JAK1: variants seen among roughly 807,000 people sequenced by gnomAD.
JAK1 encodes the protein Janus kinase 1, also known as tyrosine-protein kinase JAK1.
In JAK1, 16 loss-of-function variants were observed where a neutral mutation model predicts 136.6. That is an observed-to-expected ratio of 0.12 (90% CI 0.08 to 0.18). The LOEUF (loss-of-function observed/expected upper bound fraction) is 0.18. Among genes scored for constraint, JAK1 ranks in the 10% least tolerant of loss-of-function variants. The pLI is 1.00. For synonymous variants in JAK1, 492 were observed against 519.5 expected (o/e 0.95, Z 0.72); for missense variants, 859 against 1,450.1 (o/e 0.59, Z 6.62).
intron 2 of JAK1, among the ~76,000 whole-genome samples, chr1:65,008,533 A>G (rs1441124138): frequency 6.6e-6 from 1 of 152,000 alleles, no homozygotes; most frequent in Non-Finnish European, 1.5e-5. Context: ...TGGCCTCCCA[A>G]AGTTTGAAAT....
intron 23 of JAK1, 82 bp from the exon 24 acceptor site, chr1:64,835,588 CA>C: frequency 2.4e-6 from 2 of 829,094 alleles, no homozygotes; most frequent in East Asian, 2.5e-5. Context: ...GAAATTTCTA[CA>C]ATCAACTGGA....
chr1:64,860,032 T>G (rs1656187122), intron 9 of JAK1, 73 bp downstream of exon 9: 2 of 1,288,598 alleles, frequency 1.6e-6, no homozygotes, highest in East Asian at 5.2e-5. Flanking sequence ...ACCTAAACAA[T>G]GATGACATGC....
At chr1:64,995,887 C>T (rs796625140) in intron 2 of JAK1, among the ~76,000 whole-genome samples, 15 of 152,122 alleles carry the variant, frequency 9.9e-5, no homozygotes, top group African/African-American at 3.4e-4. Context: ...TACAGCTGTG[C>T]GCCACCCCAC....
chr1:64,943,803 A>G (rs1645931688), intron 1 of JAK1, among the ~76,000 whole-genome samples: 1 of 150,264 alleles, frequency 6.7e-6, no homozygotes, highest in Admixed American at 6.7e-5. Flanking sequence ...GTGACAGAAA[A>G]CTAATATCCT....
chr1:64,985,439 CTCT>C (rs1646589474), intron 2 of JAK1: 1 of 1,607,552 alleles, frequency 6.2e-7, no homozygotes, highest in African/African-American at 1.3e-5. Flanking sequence ...TAGCATTCTC[CTCT>C]TCTTTTCTGT....
chr1:65,045,516 A>T (rs1288595707), intron 1 of JAK1, among the ~76,000 whole-genome samples: 1 of 143,312 alleles, frequency 7.0e-6, no homozygotes, highest in Non-Finnish European at 1.5e-5. Context: ...GGGAAGCATG[A>T]AATCATGGTG....
intron 6 of JAK1, 142 bp from the exon 7 acceptor site, chr1:64,867,350 G>T: frequency 1.6e-6 from 1 of 609,764 alleles, no homozygotes. Flanking sequence ...GATGGAGTTA[G>T]CACTGAAGAT....
rs1647952813 is a variant in JAK1 at position 65,064,407 on chromosome 1, T to C, written c.-181+3197A>G. Among the ~76,000 whole-genome samples, 2 of 152,202 alleles carry C rather than the reference T, an allele frequency of 1.3e-5. 1 individual carries two copies. Among genetic ancestry groups the C allele is most frequent in the South Asian group, 4.1e-4 (2 of 4,826 alleles). ...TTACCCCATCAACCAGAAAGTCATC[T>C]TACAGCACCCACCAAGTGCTCAAAT... is the stretch of plus-strand genomic sequence containing the variant. On this transcript the variant is annotated intron_variant, in intron 1 of 25. Transcript: ENST00000671954.
chr1:65,040,261 C>T (rs1647117978), intron 2 of JAK1, among the ~76,000 whole-genome samples: 2 of 151,662 alleles, frequency 1.3e-5, no homozygotes, highest in Admixed American at 6.6e-5. Flanking sequence ...AAAGGGCTAA[C>T]ATCAAGGTGC....
intron 1 of JAK1, among the ~76,000 whole-genome samples, chr1:64,912,856 G>A (rs1645308077): frequency 6.6e-6 from 1 of 152,158 alleles, no homozygotes; most frequent in African/African-American, 2.4e-5. Flanking sequence ...TGTGTGATTT[G>A]GGGCTTTGCT....
intron 1 of JAK1, among the ~76,000 whole-genome samples, chr1:64,940,003 C>T (rs905921006): frequency 1.9e-4 from 29 of 152,096 alleles, no homozygotes; most frequent in Admixed American, 6.6e-5. Context: ...CAAATATTCA[C>T]GAACATTACA....
At chr1:64,878,764 G>A (rs1182333620) in intron 4 of JAK1, among the ~76,000 whole-genome samples, 2 of 151,964 alleles carry the variant, frequency 1.3e-5, no homozygotes, top group Admixed American at 6.6e-5. Flanking sequence ...AAACTCTGCT[G>A]TAGGACACTA....
Position 64,846,598 on chromosome 1 carries a change from C to T in JAK1, c.1987+51G>A, listed in dbSNP as rs1262870783. Reference sequence around the variant, plus strand: ...AAGAGCCTCCACCATCTCCACAGCACCCAAGCTCCCCAGCCAGGCCACCCA... The same window carrying T: ...AAGAGCCTCCACCATCTCCACAGCATCCAAGCTCCCCAGCCAGGCCACCCA... On this transcript the variant is annotated intron_variant, in intron 14 of 24. Coordinates refer to ENST00000342505, the MANE Select transcript of JAK1 (RefSeq NM_002227.4). The T allele has an allele frequency of 8.6e-6, 12 of 1,398,620 alleles. 1 individual carries two copies. In the East Asian group the frequency reaches 2.8e-4, roughly 32 times the overall value. 86.6% of individuals were successfully genotyped at this position (1,398,620 alleles called of 1,614,324 possible). A position where few individuals can be genotyped will look rare whatever the true frequency, so the allele number is the denominator to read the frequency against.
chr1:65,038,223 A>T (rs1569924949), intron 2 of JAK1, among the ~76,000 whole-genome samples: 1 of 131,302 alleles, frequency 7.6e-6, no homozygotes. Context: ...TTTGAGACAG[A>T]GTTTTGCTCT....
At chr1:64,876,594 T>G (rs754129611) in intron 4 of JAK1, 1 of 152,080 alleles carries the variant, frequency 6.6e-6, no homozygotes, top group African/African-American at 2.4e-5. Context: ...ACCCTCCCTA[T>G]CACCCATAAG....
chr1:64,975,112 G>C (rs1171117418), intron 2 of JAK1, among the ~76,000 whole-genome samples: 1 of 151,336 alleles, frequency 6.6e-6, no homozygotes, highest in Non-Finnish European at 1.5e-5. Flanking sequence ...TTTAGAATCA[G>C]GGATCTCACT....
At chr1:64,870,021 C>A (rs2101136248) in intron 5 of JAK1, among the ~76,000 whole-genome samples, 1 of 152,232 alleles carries the variant, frequency 6.6e-6, no homozygotes, top group East Asian at 1.9e-4. Context: ...AAAATATACC[C>A]CCCCACTGAT....
At chr1:65,011,731 G>A (rs1257030331) in intron 2 of JAK1, among the ~76,000 whole-genome samples, 1 of 152,188 alleles carries the variant, frequency 6.6e-6, no homozygotes. Flanking sequence ...CATTGAGGAA[G>A]TAGAATGTCT....
At chr1:65,002,050 T>C (rs1646763221) in intron 2 of JAK1, among the ~76,000 whole-genome samples, 1 of 152,068 alleles carries the variant, frequency 6.6e-6, no homozygotes, top group African/African-American at 2.4e-5. Flanking sequence ...ATCTTCCAAC[T>C]ACTCCTTACA....
Sources: allele counts gnomAD v4.1 joint callset (sites outside exome capture counted in the v4.1 genomes callset), GRCh38; gene constraint gnomAD v4.1.1; transcripts MANE v1.5; gene names NCBI Gene and HGNC (gene_info 2026-07-23, HGNC 2026-07-21).